NEXMIF: variants seen among roughly 807,000 people sequenced by gnomAD.
NEXMIF encodes XLMR protein related to neurite extension.
A neutral mutation model predicts 62.1 loss-of-function variants in NEXMIF; 8 were observed. The ratio of observed to expected loss-of-function variants is 0.13; its 90% CI spans 0.08 to 0.23. The LOEUF is 0.23. NEXMIF is among the 10% of genes least tolerant of loss of function. The probability of loss-of-function intolerance (pLI) is 1.00; values close to 1 mark genes in which losing one functional copy is unlikely to be tolerated. For missense variants in NEXMIF, 976 were observed against 1,113.3 expected, an observed-to-expected ratio of 0.88 and a Z score of 1.75; for synonymous variants, 404 against 416.6, an observed-to-expected ratio of 0.97 and a Z score of 0.37.
intron 1 of NEXMIF, among the ~76,000 whole-genome samples, chrX:74,843,722 CT>C (rs1306263748): frequency 8.0e-5 from 9 of 112,056 alleles, no homozygotes. Flanking sequence ...CCGGGTCTTG[CT>C]TTTTTAATCC....
rs757796597 is a variant in NEXMIF, at chrX:74,733,830, G to C, written c.*5575C>G. Reference sequence around the variant, plus strand: ...GTGTTACAAAATTTCCAACAAAAGTGTATTTTTTTTCTTTGTATTGTGGTT... The same window carrying C: ...GTGTTACAAAATTTCCAACAAAAGTCTATTTTTTTTCTTTGTATTGTGGTT... On this transcript the variant is annotated 3_prime_UTR_variant, in exon 4 of 4. Transcript: ENST00000055682. The C allele has an allele frequency of 8.9e-6, 1 of 112,326 alleles. No individual in the cohort carries two copies. The highest frequency in any genetic ancestry group is 3.7e-4 in the South Asian group (1 of 2,720). The allele number at this position is 112,326 out of a possible 1,213,427, so 9.3% of individuals were successfully genotyped here.
intron 1 of NEXMIF, among the ~76,000 whole-genome samples, chrX:74,790,916 C>A (rs1370174389): frequency 3.6e-5 from 4 of 110,185 alleles, no homozygotes; most frequent in Non-Finnish European, 7.6e-5. Flanking sequence ...ATCATGTCGT[C>A]TGCAAACAGG....
At chrX:74,763,799 A>G (rs959495247) in intron 1 of NEXMIF, among the ~76,000 whole-genome samples, 2 of 111,691 alleles carry the variant, frequency 1.8e-5, no homozygotes, top group Non-Finnish European at 3.8e-5. Context: ...GAATGCTTAT[A>G]ATTTTTGCAC....
chrX:74,907,976 G>A (rs368486375), intron 1 of NEXMIF, among the ~76,000 whole-genome samples: 22 of 111,020 alleles, frequency 2.0e-4, no homozygotes, highest in East Asian at 1.7e-3. Flanking sequence ...TCTGGAAACA[G>A]GCTGCTTCCC....
At position 74,740,647 on chromosome X, in the gene NEXMIF, T is replaced by A. The variant is rs751200676; in HGVS notation, c.3910A>T (p.Ser1304Cys). The A allele has an allele frequency of 2.5e-6, 3 of 1,211,679 alleles. No individual in the cohort carries two copies. The South Asian group carries it at 5.3e-5, about 21-fold the overall frequency. The part of the protein sequence containing the change: ...SDMSMGTNTN[S>C]LLDDDQREFQ... ...TCCCGTTGGTCATCATCCAGAAGGCTGTTGGTGTTGGTGCCCATGCTCATA... is the reference window on the plus strand; with the variant it reads ...TCCCGTTGGTCATCATCCAGAAGGCAGTTGGTGTTGGTGCCCATGCTCATA... Residue 1304 changes from serine (S) to cysteine (C), a missense_variant, in exon 3 of 4, where the codon AGC (serine) becomes TGC (cysteine). Around this residue, in one of 5 missense-constraint regions of NEXMIF, gnomAD observed 29 missense variants for 56.5 expected, o/e 0.51. Transcript: ENST00000055682.
intron 1 of NEXMIF, among the ~76,000 whole-genome samples, chrX:74,837,195 T>C (rs1428415102): frequency 9.0e-6 from 1 of 111,621 alleles, no homozygotes; most frequent in Non-Finnish European, 1.9e-5. Context: ...GATCTGGTGA[T>C]TCAAGACTGT....
intron 1 of NEXMIF, among the ~76,000 whole-genome samples, chrX:74,793,071 T>G (rs370797389): frequency 3.5e-4 from 38 of 108,996 alleles, no homozygotes; most frequent in Admixed American, 2.6e-3. Context: ...TTCCTAGTCT[T>G]GATGGTCTTT....
chrX:74,884,186 A>C (rs2080679513), intron 1 of NEXMIF, among the ~76,000 whole-genome samples: 1 of 112,154 alleles, frequency 8.9e-6, no homozygotes. Flanking sequence ...AGCCACTGCA[A>C]ACACATGCCA....
intron 1 of NEXMIF, among the ~76,000 whole-genome samples, chrX:74,751,658 T>TTGC (rs1556017749): frequency 1.2e-5 from 1 of 84,002 alleles, no homozygotes; most frequent in East Asian, 1.1e-3. Flanking sequence ...CCTTCCTTCC[T>TTGC]TTCCTTCCTT....
chrX:74,780,862 T>G (rs777335282), intron 1 of NEXMIF, among the ~76,000 whole-genome samples: 2 of 111,516 alleles, frequency 1.8e-5, no homozygotes, highest in Non-Finnish European at 3.8e-5. Context: ...AAACAAGACA[T>G]GAATCCAAGG....
At chrX:74,846,762 T>G (rs777277280) in intron 1 of NEXMIF, among the ~76,000 whole-genome samples, 1 of 112,226 alleles carries the variant, frequency 8.9e-6, no homozygotes, top group African/African-American at 3.2e-5. Flanking sequence ...TGTGCTATAT[T>G]GGGCACATAC....
At chrX:74,855,568 T>C (rs1209536691) in intron 1 of NEXMIF, among the ~76,000 whole-genome samples, 1 of 112,025 alleles carries the variant, frequency 8.9e-6, no homozygotes, top group Admixed American at 9.5e-5. Flanking sequence ...CATGGCCACA[T>C]GCATGTGTAG....
chrX:74,811,275 G>A (rs1367179352), intron 1 of NEXMIF, among the ~76,000 whole-genome samples: 1 of 111,653 alleles, frequency 9.0e-6, no homozygotes, highest in Non-Finnish European at 1.9e-5. Flanking sequence ...TCTAAGATAA[G>A]GCTTACATTG....
chrX:74,755,097 G>A (rs1434421955), intron 1 of NEXMIF, among the ~76,000 whole-genome samples: 2 of 112,137 alleles, frequency 1.8e-5, no homozygotes, highest in Non-Finnish European at 3.8e-5. Flanking sequence ...TCTAAGCAGT[G>A]AAGAACAGCA....
intron 1 of NEXMIF, among the ~76,000 whole-genome samples, chrX:74,839,058 T>A (rs768451210): frequency 8.9e-6 from 1 of 111,858 alleles, no homozygotes; most frequent in African/African-American, 3.2e-5. Context: ...TAAACATGCA[T>A]CCCCTACCTT....
chrX:74,812,823 G>A (rs1226610178), intron 1 of NEXMIF, among the ~76,000 whole-genome samples: 2 of 111,893 alleles, frequency 1.8e-5, no homozygotes, highest in Non-Finnish European at 3.8e-5. Context: ...TTAAATGCTT[G>A]TCCAAGGTCA....
At chrX:74,812,432 T>C (rs1484456948) in intron 1 of NEXMIF, among the ~76,000 whole-genome samples, 1 of 112,130 alleles carries the variant, frequency 8.9e-6, no homozygotes, top group Non-Finnish European at 1.9e-5. Context: ...TACCAACTTA[T>C]TTGGAATCTT....
chrX:74,861,277 G>A (rs765310728), intron 1 of NEXMIF, among the ~76,000 whole-genome samples: 1 of 111,611 alleles, frequency 9.0e-6, no homozygotes, highest in African/African-American at 3.2e-5. Context: ...AAATAAGACA[G>A]GCAGGCAAGA....
In NEXMIF at chrX:74,870,894, T is replaced by C. The variant is rs1384310045; in HGVS notation, c.-48+53989A>G. Reference sequence around the variant, plus strand: ...GTATTATATATTAGTACAATCGCTATGCAGAACAGTTTGTAGGGTCCTCAA... The same window carrying C: ...GTATTATATATTAGTACAATCGCTACGCAGAACAGTTTGTAGGGTCCTCAA... On this transcript the variant is annotated intron_variant, in intron 1 of 3. Transcript: ENST00000055682. 5.4e-5 allele frequency among the ~76,000 whole-genome samples: 6 copies of C among 112,146 alleles called. No individual in the cohort carries two copies. The South Asian group carries it at 1.1e-3, about 21-fold the overall frequency.
Sources: gnomAD v4.1 joint callset for allele counts (sites outside exome capture counted in the v4.1 genomes callset) on GRCh38, gnomAD v4.1.1 for gene constraint, gnomAD v4.1.1 regional missense constraint, MANE v1.5 for transcripts, NCBI Gene and HGNC (gene_info 2026-07-23, HGNC 2026-07-21) for gene names.